The following ANKRD17 variants were observed in gnomAD, a reference collection of about 807,000 sequenced individuals.
ANKRD17 encodes the protein ankyrin repeat domain-containing protein 17.
Under a neutral mutation model 229.7 loss-of-function variants are expected in ANKRD17, and 19 were observed. That is an observed-to-expected ratio of 0.08 (90% CI 0.06 to 0.12). The LOEUF (loss-of-function observed/expected upper bound fraction) is 0.12. Among genes scored for constraint, ANKRD17 ranks in the 10% least tolerant of loss-of-function variants. The probability of loss-of-function intolerance (pLI) is 1.00; values close to 1 mark genes in which losing one functional copy is unlikely to be tolerated. For synonymous variants in ANKRD17, 1,112 were observed against 1,146.1 expected (o/e 0.97, Z 0.60); for missense variants, 2,176 against 3,176.8 (o/e 0.68, Z 7.57).
chr4:73,169,769 A>C (rs528478772), intron 2 of ANKRD17, among the ~76,000 whole-genome samples: 2 of 152,342 alleles, frequency 1.3e-5, no homozygotes, highest in East Asian at 3.9e-4. Context: ...TGTAAGACGG[A>C]GAGCATAGCA....
chr4:73,158,285 T>TA (rs1356950657), intron 3 of ANKRD17, among the ~76,000 whole-genome samples: 1 of 152,186 alleles, frequency 6.6e-6, no homozygotes, highest in African/African-American at 2.4e-5. Context: ...CTGAAATCCT[T>TA]ACAAGATCTG....
At chr4:73,245,613 A>G (rs1034205281) in intron 1 of ANKRD17, among the ~76,000 whole-genome samples, 1 of 152,174 alleles carries the variant, frequency 6.6e-6, no homozygotes, top group Non-Finnish European at 1.5e-5. Flanking sequence ...CCTCACAATC[A>G]TGTAAGCCAA....
At position 73,258,469 on chromosome 4, in the gene ANKRD17, G is replaced by A. The variant is rs759555618; in HGVS notation, c.200C>T (p.Pro67Leu). The A allele has an allele frequency of 1.9e-6, 3 of 1,599,510 alleles. No individual in the cohort carries two copies. The highest frequency in any genetic ancestry group is 2.3e-5 in the East Asian group (1 of 44,428). ...VCDLLLKKKP[P>L]QQQHHKAKRN... is the part of the protein sequence containing the mutation. ...CTTGGCCTTGTGGTGCTGCTGCTGCGGCGGCTTCTTCTTCAGGAGCAGGTC... is the reference window on the plus strand; with the variant it reads ...CTTGGCCTTGTGGTGCTGCTGCTGCAGCGGCTTCTTCTTCAGGAGCAGGTC... Residue 67 changes from proline to leucine, a missense_variant, in exon 1 of 34, where the codon CCG becomes CTG. By Grantham distance (98) the Pro-to-Leu change is moderately conservative (BLOSUM62 -3). Coordinates refer to ENST00000358602, the MANE Select transcript of ANKRD17 (RefSeq NM_032217.5).
At chr4:73,207,508 A>G (rs1251904137) in intron 1 of ANKRD17, among the ~76,000 whole-genome samples, 1 of 152,242 alleles carries the variant, frequency 6.6e-6, no homozygotes, top group Non-Finnish European at 1.5e-5. Context: ...GGCAAGAGCT[A>G]TCGACATGCT....
At chr4:73,107,953 T>C (rs1185469280) in intron 24 of ANKRD17, among the ~76,000 whole-genome samples, 1 of 152,120 alleles carries the variant, frequency 6.6e-6, no homozygotes. Flanking sequence ...CTAATGCAGG[T>C]ATGAGATTAA....
chr4:73,096,230 C>G (rs1302179589), intron 27 of ANKRD17, among the ~76,000 whole-genome samples: 1 of 152,172 alleles, frequency 6.6e-6, no homozygotes, highest in Non-Finnish European at 1.5e-5. Context: ...AGCCAGTGAT[C>G]ATCATTTCCA....
intron 24 of ANKRD17, chr4:73,112,487 G>T: frequency 5.0e-6 from 1 of 198,360 alleles, no homozygotes; most frequent in Non-Finnish European, 9.0e-6. Context: ...TTTTTAAATG[G>T]CCAAAACAGC....
At chr4:73,218,241 A>C (rs1741355747) in intron 1 of ANKRD17, among the ~76,000 whole-genome samples, 1 of 152,244 alleles carries the variant, frequency 6.6e-6, no homozygotes, top group Non-Finnish European at 1.5e-5. Flanking sequence ...CCGCTTTTTA[A>C]GTCCACTGCT....
At chr4:73,140,347 T>C (rs1729442609) in intron 14 of ANKRD17, 64 bp from the exon 15 acceptor site, 1 of 1,504,238 alleles carries the variant, frequency 6.6e-7, no homozygotes, top group Non-Finnish European at 8.8e-7. Context: ...AGAGTTACTG[T>C]TGGGAGGTTT....
At chr4:73,179,068 C>A (rs894074840) in intron 1 of ANKRD17, among the ~76,000 whole-genome samples, 3 of 151,946 alleles carry the variant, frequency 2.0e-5, no homozygotes, top group Admixed American at 2.0e-4. Context: ...ACCATCATAA[C>A]CTCAGAAACG....
chr4:73,142,801 T>C (rs773297941), intron 11 of ANKRD17, 34 bp from the exon 12 acceptor site: 2 of 1,573,910 alleles, frequency 1.3e-6, no homozygotes, highest in East Asian at 2.3e-5. Flanking sequence ...ATCATATTAG[T>C]AGAATGGTTT....
intron 24 of ANKRD17, among the ~76,000 whole-genome samples, chr4:73,107,043 A>C (rs1724730855): frequency 6.6e-6 from 1 of 152,130 alleles, no homozygotes; most frequent in African/African-American, 2.4e-5. Context: ...TCAGAGAGGA[A>C]GTGGATGGAA....
At chr4:73,156,284 C>T in intron 3 of ANKRD17, 118 bp from the exon 4 acceptor site, 1 of 1,255,952 alleles carries the variant, frequency 8.0e-7, no homozygotes, top group South Asian at 1.7e-5. Flanking sequence ...CTTGCTCTGT[C>T]ACCCAGGAGG....
chr4:73,135,351 T>G, intron 15 of ANKRD17, 86 bp from the exon 16 acceptor site: 1 of 1,323,132 alleles, frequency 7.6e-7, no homozygotes, highest in East Asian at 2.4e-5. Flanking sequence ...ATTTAAAGAC[T>G]TCTTAAAACA....
intron 1 of ANKRD17, among the ~76,000 whole-genome samples, chr4:73,225,882 A>AAAAG (rs1486508146): frequency 1.1e-3 from 160 of 145,654 alleles, no homozygotes; most frequent in African/African-American, 2.1e-3. Flanking sequence ...AAAAAAAAAA[A>AAAAG]AAAGAAAGAA....
At position 73,179,518 on chromosome 4, in the gene ANKRD17, A is replaced by ATTT. The variant is rs56182757; in HGVS notation, c.394-1988_394-1986dup. On this transcript the variant is annotated intron_variant, in intron 1 of 33. Transcript: ENST00000358602. ...TATATATATATATATATATATATAT[A>ATTT]TTTTTTTTTTTTTTTTTAAAGAGAC... Among the ~76,000 whole-genome samples the ATTT allele has an allele frequency of 3.0e-3, 122 of 40,786 alleles. 7 individuals carry two copies. Among genetic ancestry groups the ATTT allele is most frequent in the African/African-American group, 8.4e-3 (91 of 10,872 alleles). 26.8% of individuals were successfully genotyped at this position (40,786 alleles called of 152,430 possible). A position where few individuals can be genotyped will look rare whatever the true frequency, so the allele number is the denominator to read the frequency against.
intron 24 of ANKRD17, among the ~76,000 whole-genome samples, chr4:73,111,833 A>G (rs1309762921): frequency 6.6e-6 from 1 of 152,202 alleles, no homozygotes; most frequent in African/African-American, 2.4e-5. Flanking sequence ...TTATTCATTC[A>G]ACAAATATTT....
chr4:73,109,919 A>G (rs1725096834), intron 24 of ANKRD17, among the ~76,000 whole-genome samples: 2 of 151,568 alleles, frequency 1.3e-5, no homozygotes, highest in South Asian at 4.2e-4. Flanking sequence ...AAAAGATAGA[A>G]AGCAATAATC....
chr4:73,217,808 G>C (rs1741282614), intron 1 of ANKRD17, among the ~76,000 whole-genome samples: 1 of 152,160 alleles, frequency 6.6e-6, no homozygotes, highest in African/African-American at 2.4e-5. Context: ...TTCGGACTAT[G>C]TGTATAAGGT....
Sources: allele counts gnomAD v4.1 joint callset (sites outside exome capture counted in the v4.1 genomes callset), GRCh38; gene constraint gnomAD v4.1.1; transcripts MANE v1.5; gene names NCBI Gene and HGNC (gene_info 2026-07-23, HGNC 2026-07-21).